The following ARHGAP18 variants were observed in gnomAD, a reference collection of about 807,000 sequenced individuals.
The protein encoded by ARHGAP18 is rho GTPase-activating protein 18.
In ARHGAP18, 67 loss-of-function variants were observed where a neutral mutation model predicts 86.2. The observed-to-expected ratio is 0.78, with a 90% CI of 0.64 to 0.95. ARHGAP18 has a LOEUF of 0.95. Among genes scored for constraint, ARHGAP18 ranks in the 40% least tolerant of loss-of-function variants. The probability of loss-of-function intolerance (pLI) is 0.00; values close to 1 mark genes in which losing one functional copy is unlikely to be tolerated. For missense variants in ARHGAP18, 691 were observed against 780.4 expected, an observed-to-expected ratio of 0.89 and a Z score of 1.37; for synonymous variants, 283 against 280.4, an observed-to-expected ratio of 1.01 and a Z score of -0.09.
intron 12 of ARHGAP18, among the ~76,000 whole-genome samples, chr6:129,586,641 G>A (rs761267795): frequency 3.3e-5 from 5 of 152,158 alleles, no homozygotes; most frequent in Admixed American, 1.3e-4. Flanking sequence ...AAGTGAAGAT[G>A]ACTGGATTAA....
At chr6:129,629,261 A>G (rs4254998) in intron 5 of ARHGAP18, 92 bp downstream of exon 5, 95,724 of 833,992 alleles carry the variant, frequency 0.11, 5,933 homozygotes, top group African/African-American at 0.28. Context: ...ATATATATAT[A>G]TGTGTGTGTG....
chr6:129,623,053 CA>C (rs138522937), intron 5 of ARHGAP18, among the ~76,000 whole-genome samples: 2 of 135,066 alleles, frequency 1.5e-5, no homozygotes, highest in Non-Finnish European at 1.6e-5. Context: ...TAAAAATTTT[CA>C]AAAAAAAATG....
At chr6:129,665,731 T>G (rs1774024466) in intron 1 of ARHGAP18, among the ~76,000 whole-genome samples, 1 of 152,132 alleles carries the variant, frequency 6.6e-6, no homozygotes, top group Non-Finnish European at 1.5e-5. Context: ...AAAGCCTGGA[T>G]CATATCCCAG....
At chr6:129,626,391 G>A (rs1004282345) in intron 5 of ARHGAP18, among the ~76,000 whole-genome samples, 1 of 151,912 alleles carries the variant, frequency 6.6e-6, no homozygotes, top group Non-Finnish European at 1.5e-5. Flanking sequence ...AGGAGGGATT[G>A]AATAGGTTGG....
At chr6:129,707,053 C>A (rs1774813007) in intron 1 of ARHGAP18, among the ~76,000 whole-genome samples, 1 of 151,282 alleles carries the variant, frequency 6.6e-6, no homozygotes, top group African/African-American at 2.4e-5. Flanking sequence ...ATGGAGAAAC[C>A]CCGACTCCAC....
At chr6:129,620,770 A>T (rs1789210402) in intron 5 of ARHGAP18, among the ~76,000 whole-genome samples, 1 of 152,194 alleles carries the variant, frequency 6.6e-6, no homozygotes, top group Admixed American at 6.5e-5. Context: ...AGTAATTCTC[A>T]AAGTGTAGTC....
At chr6:129,630,825 G>A (rs1481876727) in intron 4 of ARHGAP18, among the ~76,000 whole-genome samples, 1 of 152,110 alleles carries the variant, frequency 6.6e-6, no homozygotes, top group Non-Finnish European at 1.5e-5. Context: ...GGCCCTATAT[G>A]TGCAGTTTGT....
At chr6:129,605,599 C>T (rs1019283417) in intron 10 of ARHGAP18, among the ~76,000 whole-genome samples, 2 of 151,466 alleles carry the variant, frequency 1.3e-5, no homozygotes, top group Admixed American at 1.3e-4. Context: ...AAACAAAAAA[C>T]CACCCACGTT....
At chr6:129,700,435 CT>C (rs2114554937) in intron 1 of ARHGAP18, among the ~76,000 whole-genome samples, 1 of 152,230 alleles carries the variant, frequency 6.6e-6, no homozygotes, top group Non-Finnish European at 1.5e-5. Context: ...CCTTTAAACA[CT>C]TTTTTAGGGT....
chr6:129,658,960 G>A (rs1346373976), intron 1 of ARHGAP18, among the ~76,000 whole-genome samples: 33 of 152,110 alleles, frequency 2.2e-4, no homozygotes, highest in Admixed American at 2.2e-3. Context: ...AGGTGAGGAC[G>A]AAAGTTATTT....
At chr6:129,625,052 G>C (rs1472083496) in intron 5 of ARHGAP18, among the ~76,000 whole-genome samples, 1 of 65,542 alleles carries the variant, frequency 1.5e-5, no homozygotes, top group Non-Finnish European at 2.9e-5. Flanking sequence ...TAATATATAT[G>C]ATTGATATAT....
At chr6:129,611,058 G>C (rs72982648) in intron 8 of ARHGAP18, among the ~76,000 whole-genome samples, 5 of 152,072 alleles carry the variant, frequency 3.3e-5, no homozygotes, top group Admixed American at 1.3e-4. Flanking sequence ...CACAATGCCT[G>C]GCTAATTTTT....
At chr6:129,611,452 T>C in intron 8 of ARHGAP18, 81 bp downstream of exon 8, 1 of 1,167,368 alleles carries the variant, frequency 8.6e-7, no homozygotes, top group Non-Finnish European at 1.3e-6. Flanking sequence ...AAAAAAGGGG[T>C]AGAGAGGACA....
chr6:129,578,430 C>T lies in ARHGAP18; in HGVS notation c.*83G>A. The T allele has an allele frequency of 9.2e-7, 1 of 1,082,994 alleles. No homozygotes were observed. The highest frequency in any genetic ancestry group is 1.4e-6 in the Non-Finnish European group (1 of 733,624). 67.1% of individuals were successfully genotyped at this position (1,082,994 alleles called of 1,614,324 possible). On this transcript the variant is annotated 3_prime_UTR_variant, in exon 15 of 15. Transcript: ENST00000368149. ...TGGGTACAACTGAATAATATGAGTC[C>T]TGCCATTTCTTTTATTTACACTCTT...
intron 3 of ARHGAP18, among the ~76,000 whole-genome samples, chr6:129,637,698 C>T (rs1306505779): frequency 6.6e-6 from 1 of 152,188 alleles, no homozygotes; most frequent in Non-Finnish European, 1.5e-5. Flanking sequence ...AAGCTGTAAC[C>T]AATCTCGCTG....
At chr6:129,685,845 T>C (rs1313130781) in intron 1 of ARHGAP18, among the ~76,000 whole-genome samples, 1 of 152,094 alleles carries the variant, frequency 6.6e-6, no homozygotes, top group Non-Finnish European at 1.5e-5. Flanking sequence ...AAGTGAGAAG[T>C]CCAGATGGTT....
intron 7 of ARHGAP18, among the ~76,000 whole-genome samples, chr6:129,611,857 C>T (rs1416561069): frequency 6.6e-6 from 1 of 152,192 alleles, no homozygotes; most frequent in African/African-American, 2.4e-5. Flanking sequence ...CACACAACAG[C>T]TGTGGTACTC....
In ARHGAP18 at chr6:129,605,963, C is replaced by T; in HGVS notation, c.1283-4G>A. 6.2e-7 allele frequency: 1 copy of T among 1,612,472 alleles called. No individual in the cohort carries two copies. Among genetic ancestry groups the T allele is most frequent in the Non-Finnish European group, 8.5e-7 (1 of 1,178,678 alleles). Reference sequence around the variant, plus strand: ...TGCTGCTTCTTGGTTGGAAGATCTGCAGACAAATTAAATAAATCTGAACTC... The same window carrying T: ...TGCTGCTTCTTGGTTGGAAGATCTGTAGACAAATTAAATAAATCTGAACTC... On this transcript the variant is annotated splice_polypyrimidine_tract_variant and splice_region_variant and intron_variant, in intron 9 of 14. Transcript: ENST00000368149.
chr6:129,686,219 A>G (rs1432528645), intron 1 of ARHGAP18, among the ~76,000 whole-genome samples: 1 of 152,120 alleles, frequency 6.6e-6, no homozygotes, highest in Non-Finnish European at 1.5e-5. Flanking sequence ...AAGTACCAAC[A>G]TAGTGTAAAA....
Sources: gnomAD v4.1 joint callset for allele counts (sites outside exome capture counted in the v4.1 genomes callset) on GRCh38, gnomAD v4.1.1 for gene constraint, MANE v1.5 for transcripts, NCBI Gene and HGNC (gene_info 2026-07-23, HGNC 2026-07-21) for gene names.